CELF5: variants seen among roughly 807,000 people sequenced by gnomAD.
CELF5 encodes CUGBP Elav-like family member 5.
A neutral mutation model predicts 54.9 loss-of-function variants in CELF5; 6 were observed. That is an observed-to-expected ratio of 0.11 (90% CI 0.06 to 0.22). The LOEUF (loss-of-function observed/expected upper bound fraction) is 0.22. Ranked by LOEUF, CELF5 falls within the 10% of genes least tolerant of loss-of-function variation. The pLI is 1.00. For synonymous variants in CELF5, 271 were observed against 290.9 expected, an observed-to-expected ratio of 0.93 and a Z score of 0.70; for missense variants, 401 against 678.6, an observed-to-expected ratio of 0.59 and a Z score of 4.54.
intron 1 of CELF5, among the ~76,000 whole-genome samples, chr19:3,249,621 C>T (rs1005155024): frequency 6.6e-6 from 1 of 152,218 alleles, no homozygotes; most frequent in African/African-American, 2.4e-5. Context: ...CACTCTGGGC[C>T]ACTCCGGGGC....
At chr19:3,251,475 A>C (rs553172349) in intron 2 of CELF5, among the ~76,000 whole-genome samples, 6 of 151,946 alleles carry the variant, frequency 3.9e-5, no homozygotes, top group Admixed American at 1.3e-4. Flanking sequence ...CAGAGTGAGG[A>C]GGTGGAGAAA....
chr19:3,227,925 C>G (rs1427364900), intron 1 of CELF5, among the ~76,000 whole-genome samples: 1 of 152,100 alleles, frequency 6.6e-6, no homozygotes, highest in African/African-American at 2.4e-5. Context: ...CCCGTGACAC[C>G]TGACAGCCAC....
At chr19:3,243,233 T>G (rs2079517270) in intron 1 of CELF5, among the ~76,000 whole-genome samples, 1 of 152,266 alleles carries the variant, frequency 6.6e-6, no homozygotes, top group East Asian at 1.9e-4. Flanking sequence ...GTTTTTTAAT[T>G]TTTTTCTGAG....
Position 3,275,719 on chromosome 19 carries a change from C to CT in CELF5, c.395-137_395-136insT, listed in dbSNP as rs2080037248. On this transcript the variant is annotated intron_variant, in intron 3 of 12. Coordinates refer to ENST00000292672, the MANE Select transcript of CELF5 (RefSeq NM_021938.4). The surrounding 1 kb of genome is among the most constrained non-coding windows in gnomAD (Gnocchi z 6.7). Reference sequence around the variant, plus strand: ...GCGCGGCTGGGTCCTCCCTCGCACGCGCAGAACCGGAGCCGGCAGGGCCCG... The same window carrying CT: ...GCGCGGCTGGGTCCTCCCTCGCACGCTGCAGAACCGGAGCCGGCAGGGCCCG... 1 of 911,114 alleles carries CT rather than the reference C, an allele frequency of 1.1e-6. No individual in the cohort carries two copies. The highest frequency in any genetic ancestry group is 2.9e-5 in the Admixed American group (1 of 34,114). 56.4% of individuals were successfully genotyped at this position (911,114 alleles called of 1,614,324 possible). A position where few individuals can be genotyped will look rare whatever the true frequency, so the allele number is the denominator to read the frequency against.
At chr19:3,232,177 A>C (rs1164873084) in intron 1 of CELF5, among the ~76,000 whole-genome samples, 1 of 152,100 alleles carries the variant, frequency 6.6e-6, no homozygotes. Flanking sequence ...AAGTCACCTC[A>C]TCTTTTCTGA....
In CELF5 at chr19:3,282,605, G is replaced by C. The variant is rs1200489948; in HGVS notation, c.1039+107G>C. On this transcript the variant is annotated intron_variant, in intron 8 of 12. Transcript: ENST00000292672. This position sits in a 1 kb window ranked among gnomAD's most constrained non-coding sequence, Gnocchi z 5.2. ...ATCACAGTGCCCAGGGAACAGAAGG[G>C]CAGGAAAAAGGGTGTCTCCGCTGAG... The C allele has an allele frequency of 8.0e-5, 105 of 1,317,378 alleles. No individual in the cohort carries two copies. Among genetic ancestry groups the C allele is most frequent in the Non-Finnish European group, 9.8e-5 (95 of 967,352 alleles). The allele number at this position is 1,317,378 out of a possible 1,614,324, so 81.6% of individuals were successfully genotyped here. A position where few individuals can be genotyped will look rare whatever the true frequency, so the allele number is the denominator to read the frequency against.
At chr19:3,225,704 G>T in intron 1 of CELF5, 1 of 508,122 alleles carries the variant, frequency 2.0e-6, no homozygotes, top group Non-Finnish European at 2.5e-6. Context: ...AGAGGCTCCC[G>T]TCGCTGCCCA....
chr19:3,296,434 G>GAAAAAAAAAAAAAAAAAAAAAAAA (rs5826810), intron 12 of CELF5: 222 of 54,722 alleles, frequency 4.1e-3, no homozygotes, highest in Non-Finnish European at 4.9e-3. Flanking sequence ...AAACCACACA[G>GAAAAAAAAAAAAAAAAAAAAAAAA]AAAAAAAAAA....
chr19:3,286,071 C>T, intron 10 of CELF5, 46 bp downstream of exon 10: 1 of 1,457,976 alleles, frequency 6.9e-7, no homozygotes. Context: ...CGCCCTCTGC[C>T]CGCCCTGTCC....
Position 3,268,390 on chromosome 19 carries a change from T to A in CELF5, c.343-5482T>A, listed in dbSNP as rs2079913015. 1.3e-5 allele frequency among the ~76,000 whole-genome samples: 2 copies of A among 152,136 alleles called. No individual in the cohort carries two copies. The highest frequency in any genetic ancestry group is 4.8e-5 in the African/African-American group (2 of 41,430). On this transcript the variant is annotated intron_variant, in intron 2 of 12. Coordinates refer to ENST00000292672, the MANE Select transcript of CELF5 (RefSeq NM_021938.4). This position sits in a 1 kb window ranked among gnomAD's most constrained non-coding sequence, Gnocchi z 4.4. ...CCGAGCTCGGCACACAGGCACAGAA[T>A]AAATGAATGAATAATGAATAAATGA...
At chr19:3,279,377 G>A in intron 5 of CELF5, among the ~76,000 whole-genome samples, 1 of 152,256 alleles carries the variant, frequency 6.6e-6, no homozygotes, top group East Asian at 1.9e-4. Flanking sequence ...CTCCGAATCT[G>A]CTACAAGGAA....
At chr19:3,249,638 C>T (rs1395731179) in intron 1 of CELF5, among the ~76,000 whole-genome samples, 2 of 152,236 alleles carry the variant, frequency 1.3e-5, no homozygotes, top group African/African-American at 2.4e-5. Context: ...GGGCTGGCCC[C>T]GCCCCTCACC....
chr19:3,257,112 C>A (rs1448763119), intron 2 of CELF5, among the ~76,000 whole-genome samples: 1 of 152,034 alleles, frequency 6.6e-6, no homozygotes, highest in East Asian at 1.9e-4. Flanking sequence ...TTGTGCCTGG[C>A]TGGGAGTTCC....
chr19:3,290,305 C>G lies in CELF5; in HGVS notation c.1261C>G (p.Leu421Val). The G allele has an allele frequency of 6.2e-7, 1 of 1,614,050 alleles. No individual in the cohort carries two copies. Among genetic ancestry groups the G allele is most frequent in the Non-Finnish European group, 8.5e-7 (1 of 1,179,974 alleles). ...AGACACGGAGCTGACGCAGATGTTC[C>G]TACCCTTCGGCAATATCATTTCCTC... ...FGDTELTQMF[L>V]PFGNIISSKV... Residue 421 changes from leucine to valine, a missense_variant, in exon 11 of 13, where the codon CTA becomes GTA. Leu to Val is a conservative substitution (Grantham distance 32). Coordinates refer to ENST00000292672, the MANE Select transcript of CELF5 (RefSeq NM_021938.4).
At chr19:3,280,523 C>T (rs949687283) in intron 5 of CELF5, among the ~76,000 whole-genome samples, 9 of 152,046 alleles carry the variant, frequency 5.9e-5, no homozygotes, top group East Asian at 1.9e-4. Context: ...TGCAGTGAGC[C>T]GAGATCGCGC....
intron 12 of CELF5, 108 bp downstream of exon 12, chr19:3,293,594 C>T (rs936413199): frequency 5.2e-6 from 5 of 962,552 alleles, no homozygotes; most frequent in Non-Finnish European, 7.5e-6. Context: ...GGTGATGCTT[C>T]AAGAGGCTAC....
intron 1 of CELF5, among the ~76,000 whole-genome samples, chr19:3,227,796 C>G (rs182496126): frequency 9.6e-4 from 146 of 152,204 alleles, no homozygotes; most frequent in Non-Finnish European, 1.5e-3. Context: ...CCCATTACCC[C>G]CCCTGCCTTC....
chr19:3,244,904 G>T (rs1385836065), intron 1 of CELF5, among the ~76,000 whole-genome samples: 3 of 148,960 alleles, frequency 2.0e-5, no homozygotes, highest in Non-Finnish European at 3.0e-5. Flanking sequence ...ATATGTGTGT[G>T]TGGTGTGTGC....
intron 10 of CELF5, 70 bp from the exon 11 acceptor site, chr19:3,290,161 G>A (rs567542456): frequency 1.6e-6 from 2 of 1,260,190 alleles, no homozygotes; most frequent in East Asian, 2.4e-5. Context: ...CTCCAGACCT[G>A]TGCCCCTCCC....
Sources: allele counts gnomAD v4.1 joint callset (sites outside exome capture counted in the v4.1 genomes callset), GRCh38; gene constraint gnomAD v4.1.1; non-coding constraint Gnocchi (gnomAD v3.1); transcripts MANE v1.5; gene names NCBI Gene and HGNC (gene_info 2026-07-23, HGNC 2026-07-21).